The following FGD6 variants were observed in gnomAD, a reference collection of about 807,000 sequenced individuals.
FGD6 encodes the protein FYVE, RhoGEF and PH domain-containing protein 6.
A neutral mutation model predicts 149.4 loss-of-function variants in FGD6; 90 were observed. The ratio of observed to expected loss-of-function variants is 0.60; its 90% confidence interval spans 0.51 to 0.72. FGD6 has a LOEUF of 0.72. Ranked by LOEUF, FGD6 falls within the 30% of genes least tolerant of loss-of-function variation. FGD6 has a pLI of 0.00. For synonymous variants in FGD6, 527 were observed against 584.0 expected (o/e 0.90, Z 1.41); for missense variants, 1,437 against 1,684.8 (o/e 0.85, Z 2.57).
At chr12:95,175,943 A>G (rs1209753197) in intron 2 of FGD6, among the ~76,000 whole-genome samples, 1 of 152,212 alleles carries the variant, frequency 6.6e-6, no homozygotes, top group Non-Finnish European at 1.5e-5. Context: ...ACTGAAACAA[A>G]TGTTAAAACA....
At chr12:95,164,937 T>C (rs1880762983) in intron 3 of FGD6, among the ~76,000 whole-genome samples, 1 of 152,178 alleles carries the variant, frequency 6.6e-6, no homozygotes, top group Non-Finnish European at 1.5e-5. Context: ...GTATGTATCA[T>C]ATGAGCTACT....
rs1393263041 is a variant in FGD6, at chr12:95,107,521, A to G, written c.3333+42T>C. 1.9e-6 allele frequency: 3 copies of G among 1,600,032 alleles called. No homozygotes were observed. The South Asian group carries it at 3.3e-5, about 18-fold the overall frequency. On this transcript the variant is annotated intron_variant, in intron 12 of 20. Coordinates refer to ENST00000343958, the MANE Select transcript of FGD6 (RefSeq NM_018351.4). ...AAACGTCTCCTTTCCTTAAGCAACT[A>G]TCCCTACCTCGGCCACATCAGAACT...
At position 95,157,636 on chromosome 12, in the gene FGD6, T is replaced by G. The variant is rs73223677; in HGVS notation, c.2587-4643A>C. ...ATTCAAAGAAGGTTGTGAAACCAAC[T>G]ACTTGTGAAAATAATCTTTAAATGG... On this transcript the variant is annotated intron_variant, in intron 3 of 20. Coordinates refer to ENST00000343958, the MANE Select transcript of FGD6 (RefSeq NM_018351.4). Among the ~76,000 whole-genome samples the G allele has an allele frequency of 5.3e-3, 798 of 151,440 alleles. 7 individuals are homozygous for G. Among genetic ancestry groups the G allele is most frequent in the Non-Finnish European group, 8.5e-3 (575 of 67,874 alleles).
In FGD6 at chr12:95,081,354, C is replaced by A; in HGVS notation, c.*166G>T. 2.5e-5 allele frequency: 11 copies of A among 443,754 alleles called. No individual in the cohort carries two copies. The highest frequency in any genetic ancestry group is 1.1e-4 in the South Asian group (2 of 17,768). The allele number at this position is 443,754 out of a possible 1,614,324, so 27.5% of individuals were successfully genotyped here. On this transcript the variant is annotated 3_prime_UTR_variant, in exon 21 of 21. Coordinates refer to ENST00000343958, the MANE Select transcript of FGD6 (RefSeq NM_018351.4). The stretch of plus-strand genomic sequence containing the variant: ...TAAATAACATAAATGAAAAAACAAA[C>A]ACCTTTTAAAAATTGCTTATACCTA...
At chr12:95,162,385 C>T (rs1880670545) in intron 3 of FGD6, among the ~76,000 whole-genome samples, 1 of 152,030 alleles carries the variant, frequency 6.6e-6, no homozygotes, top group African/African-American at 2.4e-5. Flanking sequence ...TAGCTGGGCG[C>T]CGACAGTGGT....
In FGD6 at chr12:95,209,497, G is replaced by A; in HGVS notation, c.1787C>T (p.Thr596Ile). The A allele has an allele frequency of 6.2e-7, 1 of 1,613,552 alleles. No individual in the cohort carries two copies. Among genetic ancestry groups the A allele is most frequent in the Non-Finnish European group, 8.5e-7 (1 of 1,179,812 alleles). ...TTTTGCTCTGGGCTTGGTTAGGGCT[G>A]TTGAAGGCTCACTGTTTGACGATAC... is the stretch of plus-strand genomic sequence containing the variant. Reference protein sequence around the residue: ...VTVSSNSEPSTALTKPRAKSL... With the variant: ...VTVSSNSEPSIALTKPRAKSL... The change falls in exon 2 of 21, where the codon ACA becomes ATA. Residue 596 changes from threonine (T) to isoleucine (I), a missense_variant. Thr to Ile is a moderately conservative substitution (Grantham distance 89). Transcript: ENST00000343958.
At chr12:95,112,198 C>T (rs1878848354) in intron 9 of FGD6, among the ~76,000 whole-genome samples, 1 of 151,666 alleles carries the variant, frequency 6.6e-6, no homozygotes, top group African/African-American at 2.4e-5. Flanking sequence ...CATGCCACTG[C>T]ACTCCAGCCT....
intron 20 of FGD6, among the ~76,000 whole-genome samples, chr12:95,083,437 A>C (rs2136229881): frequency 6.6e-6 from 1 of 152,290 alleles, no homozygotes; most frequent in African/African-American, 2.4e-5. Flanking sequence ...GAAAAGCAGT[A>C]CTTTTTTTCA....
rs761867268 is a variant in FGD6 at position 95,210,193 on chromosome 12, A to G, written c.1091T>C (p.Leu364Pro). The change falls in exon 2 of 21, where the codon CTG (leucine) becomes CCG (proline). Residue 364 changes from leucine (L) to proline (P), a missense_variant. Transcript: ENST00000343958. ...CTGCTTACACAAAACATTCTGATGC[A>G]GAACACTGATTTTATTGATTTTCAA... The part of the protein sequence containing the change: ...NSLKINKISV[L>P]HQNVLCKQEQ... The G allele has an allele frequency of 1.9e-6, 3 of 1,614,062 alleles. No homozygotes were observed. Among genetic ancestry groups the G allele is most frequent in the Non-Finnish European group, 2.5e-6 (3 of 1,180,030 alleles).
intron 2 of FGD6, among the ~76,000 whole-genome samples, chr12:95,180,515 C>A (rs1265276293): frequency 6.6e-6 from 1 of 151,776 alleles, no homozygotes; most frequent in Non-Finnish European, 1.5e-5. Context: ...GCCTCAGGCT[C>A]CCAGGCACTT....
chr12:95,167,233 A>G (rs1343951637), intron 3 of FGD6, among the ~76,000 whole-genome samples: 1 of 152,168 alleles, frequency 6.6e-6, no homozygotes, highest in Non-Finnish European at 1.5e-5. Flanking sequence ...ATATGCTTTC[A>G]TATCTCTTGG....
rs1592833113 is a variant in FGD6 at position 95,104,933 on chromosome 12, A to G, written c.3497+74T>C. 4 of 1,421,394 alleles carry G rather than the reference A, an allele frequency of 2.8e-6. No homozygotes were observed. The South Asian group carries it at 3.9e-5, about 14-fold the overall frequency. The allele number at this position is 1,421,394 out of a possible 1,614,324, so 88.0% of individuals were successfully genotyped here. A position where few individuals can be genotyped will look rare whatever the true frequency, so the allele number is the denominator to read the frequency against. On this transcript the variant is annotated intron_variant, in intron 14 of 20. Coordinates refer to ENST00000343958, the MANE Select transcript of FGD6 (RefSeq NM_018351.4). ...GTCTCAAAAAAAACCAAAAACCAAAATTTTCCTGACATTCCCTAGCAAGCA... is the reference window on the plus strand; with the variant it reads ...GTCTCAAAAAAAACCAAAAACCAAAGTTTTCCTGACATTCCCTAGCAAGCA...
intron 14 of FGD6, chr12:95,100,506 T>C (rs762415168): frequency 5.8e-6 from 2 of 347,326 alleles, no homozygotes; most frequent in South Asian, 2.3e-5. Context: ...TCGCCCACCA[T>C]GTCACTACTG....
intron 18 of FGD6, among the ~76,000 whole-genome samples, chr12:95,086,536 CTTTTTTTTTTTTT>C (rs1010739533): frequency 3.8e-5 from 4 of 105,756 alleles, no homozygotes; most frequent in South Asian, 3.2e-4. Context: ...TTTTTTTTTT[CTTTTTTTTTTTTT>C]TTTTTTTTGA....
Position 95,108,491 on chromosome 12 carries a change from C to A in FGD6, c.3192+12G>T. On this transcript the variant is annotated intron_variant, in intron 10 of 20. Coordinates refer to ENST00000343958, the MANE Select transcript of FGD6 (RefSeq NM_018351.4). The stretch of plus-strand genomic sequence containing the variant: ...TCAAGACCACACCAGCCACTGACAA[C>A]AAGACACTTACTCCTTGCTTCATGG... The A allele has an allele frequency of 6.2e-7, 1 of 1,614,162 alleles. No individual in the cohort carries two copies. Among genetic ancestry groups the A allele is most frequent in the Admixed American group, 1.7e-5 (1 of 60,018 alleles).
At chr12:95,163,991 T>C (rs1358278943) in intron 3 of FGD6, among the ~76,000 whole-genome samples, 5 of 152,220 alleles carry the variant, frequency 3.3e-5, no homozygotes, top group Admixed American at 3.3e-4. Flanking sequence ...CCATGGCATC[T>C]CAACTTTTCA....
At chr12:95,142,319 GT>G (rs1879875670) in intron 5 of FGD6, among the ~76,000 whole-genome samples, 2 of 150,968 alleles carry the variant, frequency 1.3e-5, no homozygotes, top group African/African-American at 4.9e-5. Flanking sequence ...TTTTTTGTAT[GT>G]TTTTAGTAGA....
chr12:95,108,952 G>A (rs1227817126), intron 9 of FGD6, among the ~76,000 whole-genome samples: 1 of 152,188 alleles, frequency 6.6e-6, no homozygotes, highest in Non-Finnish European at 1.5e-5. Context: ...AGTATAAACT[G>A]TCTTGGGAGA....
rs531266443 is a variant in FGD6 at position 95,146,677 on chromosome 12, A to C, written c.2686-5138T>G. Among the ~76,000 whole-genome samples, 4 of 152,300 alleles carry C rather than the reference A, an allele frequency of 2.6e-5. No homozygotes were observed. The South Asian group carries it at 6.2e-4, about 24-fold the overall frequency. ...CTACACTGTAGTTTCTGGTCATAATAACCAAATGCTTGTTTAATGTGGAAT... is the reference window on the plus strand; with the variant it reads ...CTACACTGTAGTTTCTGGTCATAATCACCAAATGCTTGTTTAATGTGGAAT... On this transcript the variant is annotated intron_variant, in intron 5 of 20. Transcript: ENST00000343958.
Sources: allele counts gnomAD v4.1 joint callset (sites outside exome capture counted in the v4.1 genomes callset), GRCh38; gene constraint gnomAD v4.1.1; transcripts MANE v1.5; gene names NCBI Gene and HGNC (gene_info 2026-07-23, HGNC 2026-07-21).